Variants in PDE1C observed in about 807,000 individuals in gnomAD.
The protein encoded by PDE1C is phosphodiesterase 1C, also known as dual specificity calcium/calmodulin-dependent 3',5'-cyclic nucleotide phosphodiesterase 1C.
In PDE1C, 62 loss-of-function variants were observed where a neutral mutation model predicts 93.1. The ratio of observed to expected loss-of-function variants is 0.67; its 90% CI spans 0.54 to 0.82. The LOEUF (loss-of-function observed/expected upper bound fraction) is 0.82. Among genes scored for constraint, PDE1C ranks in the 40% least tolerant of loss-of-function variants. The pLI is 0.00. For missense variants in PDE1C, 742 were observed against 884.6 expected (o/e 0.84, Z 2.04); for synonymous variants, 325 against 310.1 (o/e 1.05, Z -0.50).
In PDE1C at chr7:32,331,985, A is replaced by G. The variant is rs1434066697; in HGVS notation, c.310+95837T>C. Among the ~76,000 whole-genome samples, 9 of 152,158 alleles carry G rather than the reference A, an allele frequency of 5.9e-5. No individual in the cohort carries two copies. The East Asian group carries it at 1.7e-3, about 29-fold the overall frequency. Reference sequence around the variant, plus strand: ...GCTTGGAAGGAAGTGAGGTTTTACTATGGCACCCATCTCCCTACACAGTGT... The same window carrying G: ...GCTTGGAAGGAAGTGAGGTTTTACTGTGGCACCCATCTCCCTACACAGTGT... On this transcript the variant is annotated intron_variant, in intron 1 of 1. Transcript: ENST00000672256.
At chr7:32,254,916 T>C (rs1297032084) in intron 1 of PDE1C, among the ~76,000 whole-genome samples, 1 of 152,218 alleles carries the variant, frequency 6.6e-6, no homozygotes, top group Non-Finnish European at 1.5e-5. Flanking sequence ...AGACAATGGC[T>C]GCCCCAGAAA....
chr7:32,023,054 C>G (rs1291889942), intron 2 of PDE1C, among the ~76,000 whole-genome samples: 1 of 151,822 alleles, frequency 6.6e-6, no homozygotes, highest in Non-Finnish European at 1.5e-5. Flanking sequence ...ATTTAATGCA[C>G]ATACACAAGA....
At chr7:31,722,657 G>A in the PDE1C span, among the ~76,000 whole-genome samples, 57 of 152,310 alleles carry the variant, frequency 3.7e-4, 1 homozygote, top group African/African-American at 1.3e-3. Flanking sequence ...GAGCTGACCA[G>A]GTGAAGAAGC....
intron 1 of PDE1C, among the ~76,000 whole-genome samples, chr7:32,369,684 C>T (rs563985463): frequency 6.6e-6 from 1 of 152,260 alleles, no homozygotes; most frequent in East Asian, 1.9e-4. Context: ...GACTTCTGTG[C>T]CCCCATGTTT....
At chr7:31,942,934 G>A (rs913209749) in intron 2 of PDE1C, among the ~76,000 whole-genome samples, 1 of 152,046 alleles carries the variant, frequency 6.6e-6, no homozygotes, top group Non-Finnish European at 1.5e-5. Context: ...AGTACCACAT[G>A]GGCTACTAGA....
At chr7:31,992,377 T>C (rs1234999572) in intron 2 of PDE1C, among the ~76,000 whole-genome samples, 1 of 152,202 alleles carries the variant, frequency 6.6e-6, no homozygotes, top group Non-Finnish European at 1.5e-5. Flanking sequence ...CCAAGTGCCT[T>C]GGACATCAGG....
chr7:31,886,852 T>C (rs77332854), intron 2 of PDE1C, among the ~76,000 whole-genome samples: 3,778 of 138,546 alleles, frequency 0.027, 44 homozygotes, highest in East Asian at 0.085. Flanking sequence ...TTCGGATCTT[T>C]TCAGAATAGA....
chr7:32,415,999 C>T (rs995901663), intron 1 of PDE1C, among the ~76,000 whole-genome samples: 10 of 152,184 alleles, frequency 6.6e-5, no homozygotes, highest in African/African-American at 2.4e-4. Flanking sequence ...GGCCCAGGTG[C>T]CAGGCTCCAC....
chr7:31,646,741 T>G, the PDE1C span, among the ~76,000 whole-genome samples: 1 of 152,158 alleles, frequency 6.6e-6, no homozygotes, highest in South Asian at 2.1e-4. Context: ...CCCATTATGC[T>G]CAGTAACTGT....
intron 17 of PDE1C, among the ~76,000 whole-genome samples, chr7:31,763,987 A>T (rs980523974): frequency 1.1e-4 from 16 of 148,376 alleles, no homozygotes; most frequent in Non-Finnish European, 1.8e-4. Context: ...TATATATTAT[A>T]TATATTTTTA....
chr7:32,420,093 A>ATG (rs1491123182), intron 1 of PDE1C, among the ~76,000 whole-genome samples: 1 of 4,804 alleles, frequency 2.1e-4, no homozygotes, highest in African/African-American at 4.5e-4. Flanking sequence ...GTGTGGTGGC[A>ATG]TATATATATA....
intron 2 of PDE1C, among the ~76,000 whole-genome samples, chr7:32,049,735 A>C (rs1793095777): frequency 6.6e-6 from 1 of 152,200 alleles, no homozygotes; most frequent in Non-Finnish European, 1.5e-5. Flanking sequence ...CATAACACCC[A>C]AGTCAAGTAC....
intron 2 of PDE1C, among the ~76,000 whole-genome samples, chr7:31,946,821 C>T (rs1262172506): frequency 2.0e-5 from 3 of 152,142 alleles, no homozygotes; most frequent in African/African-American, 7.2e-5. Context: ...GGTGTTGGGT[C>T]CAGCTGCCCC....
chr7:31,824,423 T>A (rs936611476), intron 13 of PDE1C, among the ~76,000 whole-genome samples: 1 of 152,166 alleles, frequency 6.6e-6, no homozygotes, highest in East Asian at 1.9e-4. Flanking sequence ...CTGCCCTTGA[T>A]ATAATGATGT....
intron 2 of PDE1C, among the ~76,000 whole-genome samples, chr7:32,186,195 C>T (rs1362965993): frequency 4.6e-5 from 7 of 151,240 alleles, no homozygotes; most frequent in South Asian, 4.2e-4. Context: ...CTCCGCCTCC[C>T]GGGTTCACGC....
upstream of PDE1C, among the ~76,000 whole-genome samples, chr7:32,072,809 C>T (rs1008397596): frequency 6.6e-6 from 1 of 152,146 alleles, no homozygotes; most frequent in Non-Finnish European, 1.5e-5. Flanking sequence ...TAGAAAAGAC[C>T]AGAGTTTGAG....
intron 17 of PDE1C, among the ~76,000 whole-genome samples, chr7:31,775,011 G>C (rs193082083): frequency 2.0e-5 from 3 of 152,272 alleles, no homozygotes; most frequent in Admixed American, 2.0e-4. Flanking sequence ...AGTTGAGAAT[G>C]TAAGCACATG....
At chr7:32,151,859 G>A (rs1801280723) in intron 3 of PDE1C, among the ~76,000 whole-genome samples, 1 of 152,170 alleles carries the variant, frequency 6.6e-6, no homozygotes, top group African/African-American at 2.4e-5. Flanking sequence ...AGGCTCAAAT[G>A]TCACACTTAG....
At chr7:32,401,408 G>A (rs954090062) in intron 1 of PDE1C, among the ~76,000 whole-genome samples, 11 of 151,888 alleles carry the variant, frequency 7.2e-5, no homozygotes, top group African/African-American at 2.7e-4. Context: ...GTGGTGGCAC[G>A]TGCCTGTAAT....
Sources: allele counts gnomAD v4.1 joint callset (sites outside exome capture counted in the v4.1 genomes callset), GRCh38; gene constraint gnomAD v4.1.1; transcripts MANE v1.5; gene names NCBI Gene and HGNC (gene_info 2026-07-23, HGNC 2026-07-21).